Variants in MYO19 observed in about 807,000 individuals in gnomAD.
MYO19 encodes the protein myosin XIX, also known as unconventional myosin-XIX.
MYO19 carries 132 observed loss-of-function variants against 129.2 expected under a neutral mutation model. That is an observed-to-expected ratio of 1.02 (90% confidence interval 0.89 to 1.18). The LOEUF is 1.18. Ranked by LOEUF, MYO19 falls within the 50% of genes most tolerant of loss-of-function variation. The probability of loss-of-function intolerance (pLI) is 0.00; values close to 1 mark genes in which losing one functional copy is unlikely to be tolerated. For synonymous variants in MYO19, 531 were observed against 477.2 expected (o/e 1.11, Z -1.47); for missense variants, 1,210 against 1,216.7 (o/e 0.99, Z 0.08).
upstream of MYO19, chr17:36,537,399 A>G: frequency 6.2e-7 from 1 of 1,614,070 alleles, no homozygotes; most frequent in Non-Finnish European, 8.5e-7. Flanking sequence ...AATATACCGA[A>G]GGAGGACCTG....
chr17:36,498,239 C>T lies in MYO19; in HGVS notation c.2757+27G>A, dbSNP rs568029123. ...GCTCCTGCTGTTCTCAGGAACAAAG[C>T]TGTCATGGCCATCACACACAACGTA... is the stretch of plus-strand genomic sequence containing the variant. On this transcript the variant is annotated intron_variant, in intron 25 of 25. Transcript: ENST00000614623. The T allele has an allele frequency of 3.2e-5, 51 of 1,592,380 alleles. No homozygotes were observed. In the African/African-American group the frequency reaches 5.6e-4, roughly 18 times the overall value.
chr17:36,525,373 G>A, intron 5 of MYO19, 32 bp from the exon 6 acceptor site: 1 of 1,461,508 alleles, frequency 6.8e-7, no homozygotes, highest in African/African-American at 1.4e-5. Context: ...GGTCATGTGA[G>A]GGAATGCCTG....
chr17:36,507,427 G>T lies in MYO19; in HGVS notation c.1439C>A (p.Pro480His), dbSNP rs774782262. ...ATTTATGAGGGAGCAGATGCTGATGGGGCTTCCCTCAATGAGATCCAAACA... is the reference window on the plus strand; with the variant it reads ...ATTTATGAGGGAGCAGATGCTGATGTGGCTTCCCTCAATGAGATCCAAACA... ...QPCLDLIEGS[P>H]ISICSLINEE... is the part of the protein sequence containing the mutation. The change falls in exon 16 of 26, where the codon CCC (proline) becomes CAC (histidine). Residue 480 changes from proline to histidine, a missense_variant. Pro to His is a moderately conservative substitution (Grantham distance 77). Coordinates refer to ENST00000614623, the MANE Select transcript of MYO19 (RefSeq NM_001163735.2). The T allele has an allele frequency of 5.0e-6, 8 of 1,613,484 alleles. No individual in the cohort carries two copies. The Admixed American group carries it at 1.2e-4, about 24-fold the overall frequency.
rs372354654 is a variant in MYO19 at position 36,527,633 on chromosome 17, A to G, written c.218T>C (p.Val73Ala). 1.9e-6 allele frequency: 3 copies of G among 1,613,984 alleles called. No individual in the cohort carries two copies. Among genetic ancestry groups the G allele is most frequent in the Non-Finnish European group, 2.5e-6 (3 of 1,179,872 alleles). The change falls in exon 5 of 26, where the codon GTA (valine) becomes GCA (alanine). Residue 73 changes from valine to alanine, a missense_variant. Coordinates refer to ENST00000614623, the MANE Select transcript of MYO19 (RefSeq NM_001163735.2). Reference sequence around the variant, plus strand: ...AACAGGCTTGAAGGGGTTCAAGGCTACCAGGGTGCAGCCAGCATTGGTGTA... The same window carrying G: ...AACAGGCTTGAAGGGGTTCAAGGCTGCCAGGGTGCAGCCAGCATTGGTGTA... ...TFYTNAGCTL[V>A]ALNPFKPVPQ...
At chr17:36,514,218 G>C (rs2072574832) in intron 9 of MYO19, among the ~76,000 whole-genome samples, 1 of 152,164 alleles carries the variant, frequency 6.6e-6, no homozygotes, top group Non-Finnish European at 1.5e-5. Flanking sequence ...AGGACCTTCT[G>C]GTCTGATGGA....
intron 6 of MYO19, among the ~76,000 whole-genome samples, chr17:36,523,182 CAAAAA>C (rs34403651): frequency 8.7e-5 from 9 of 103,438 alleles, no homozygotes; most frequent in Non-Finnish European, 1.8e-4. Context: ...AACCCTGTCT[CAAAAA>C]AAAAAAAAAA....
intron 6 of MYO19, among the ~76,000 whole-genome samples, chr17:36,518,562 G>GTA (rs1223115260): frequency 9.6e-6 from 1 of 103,956 alleles, no homozygotes; most frequent in African/African-American, 3.8e-5. Context: ...ATGTGTATGT[G>GTA]TATATATATG....
chr17:36,510,751 A>G lies in MYO19; in HGVS notation c.1152T>C (p.Tyr384=). The part of the protein sequence containing the change: ...TRRDCLAKLI[Y]ARLFDWLVSV... ...GGGCCAGAGTAACTGCTCACCGCGC[A>G]TAGATCAGTTTGGCCAGGCAGTCTC... Residue 384 remains tyrosine, a synonymous_variant, in exon 13 of 26, where the codon TAT becomes TAC. Transcript: ENST00000614623. The G allele has an allele frequency of 1.2e-6, 2 of 1,604,970 alleles. No individual in the cohort carries two copies. The highest frequency in any genetic ancestry group is 1.7e-6 in the Non-Finnish European group (2 of 1,174,954).
chr17:36,528,156 AGGTACTC>A lies in MYO19; in HGVS notation c.52_58del (p.Glu18SerfsTer24). On this transcript the variant is annotated frameshift_variant, in exon 4 of 26. Coordinates refer to ENST00000614623, the MANE Select transcript of MYO19 (RefSeq NM_001163735.2). LOFTEE classifies it high-confidence loss of function. ...CAGGAACTCCTGCAGGTCTTCTCTG[AGGTACTC>A]CCTGGCTTGGCCATCAGACCCCGGA... is the stretch of plus-strand genomic sequence containing the variant. 6.2e-7 allele frequency: 1 copy of A among 1,610,024 alleles called. No individual in the cohort carries two copies. The highest frequency in any genetic ancestry group is 8.5e-7 in the Non-Finnish European group (1 of 1,178,130).
chr17:36,502,897 C>A, intron 21 of MYO19, 200 bp downstream of exon 21: 1 of 604,066 alleles, frequency 1.7e-6, no homozygotes, highest in South Asian at 2.0e-5. Flanking sequence ...CTAGCACCAC[C>A]CACAGCATCC....
At chr17:36,520,126 C>A (rs1488654079) in intron 6 of MYO19, among the ~76,000 whole-genome samples, 1 of 152,020 alleles carries the variant, frequency 6.6e-6, no homozygotes, top group East Asian at 1.9e-4. Flanking sequence ...AGGCACCTAC[C>A]ACCATGCCCT....
chr17:36,524,390 C>G (rs1440131398), intron 6 of MYO19, among the ~76,000 whole-genome samples: 1 of 152,182 alleles, frequency 6.6e-6, no homozygotes, highest in African/African-American at 2.4e-5. Flanking sequence ...TGAGTGAAGG[C>G]AGAAGGAGTT....
At chr17:36,498,868 C>T in intron 24 of MYO19, 1 of 594,336 alleles carries the variant, frequency 1.7e-6, no homozygotes, top group South Asian at 2.0e-5. Flanking sequence ...CCCAGAGTTG[C>T]TTATACCACT....
Position 36,501,477 on chromosome 17 carries a change from G to A in MYO19, c.2081-242C>T, listed in dbSNP as rs566749636. Reference sequence around the variant, plus strand: ...CACTTGCGCCTGTGTGTCCTGGGGTGTCCCACAGCCTCTACTGCCATGAGT... The same window carrying A: ...CACTTGCGCCTGTGTGTCCTGGGGTATCCCACAGCCTCTACTGCCATGAGT... On this transcript the variant is annotated intron_variant, in intron 21 of 25. Coordinates refer to ENST00000614623, the MANE Select transcript of MYO19 (RefSeq NM_001163735.2). 1,954 of 424,952 alleles carry A rather than the reference G, an allele frequency of 4.6e-3. 17 individuals are homozygous for A. The highest frequency in any genetic ancestry group is 5.8e-3 in the Non-Finnish European group (1,386 of 239,492). 26.3% of individuals were successfully genotyped at this position (424,952 alleles called of 1,614,324 possible). A position where few individuals can be genotyped will look rare whatever the true frequency, so the allele number is the denominator to read the frequency against.
At chr17:36,503,854 A>G (rs2071697832) in intron 20 of MYO19, 96 bp downstream of exon 20, 1 of 1,026,326 alleles carries the variant, frequency 9.7e-7, no homozygotes. Flanking sequence ...CTTCATTTCC[A>G]CATCTCACTC....
chr17:36,541,811 T>C (rs2074199261), intron 2 of MYO19, among the ~76,000 whole-genome samples: 1 of 152,224 alleles, frequency 6.6e-6, no homozygotes, highest in African/African-American at 2.4e-5. Context: ...GTACATAGGA[T>C]AATTCTCAAG....
chr17:36,496,142 A>T lies in MYO19; in HGVS notation c.*109T>A, dbSNP rs2070945241. On this transcript the variant is annotated 3_prime_UTR_variant, in exon 26 of 26. Transcript: ENST00000614623. ...AAGGCTGGAGCCGTCACTGTTGTTC[A>T]TGTGCATTTGGAGCACTGTGGGAAT... is the stretch of plus-strand genomic sequence containing the variant. 3 of 1,421,962 alleles carry T rather than the reference A, an allele frequency of 2.1e-6. No homozygotes were observed. Among genetic ancestry groups the T allele is most frequent in the African/African-American group, 2.8e-5 (2 of 71,272 alleles). 88.1% of individuals were successfully genotyped at this position (1,421,962 alleles called of 1,614,324 possible). A position where few individuals can be genotyped will look rare whatever the true frequency, so the allele number is the denominator to read the frequency against.
chr17:36,527,975 C>T (rs1025920132), intron 4 of MYO19, 89 bp downstream of exon 4: 4 of 1,524,926 alleles, frequency 2.6e-6, no homozygotes, highest in Non-Finnish European at 3.6e-6. Context: ...CTGCCGACCT[C>T]CGTCTGACCT....
Position 36,503,141 on chromosome 17 carries a change from G to A in MYO19, c.2036C>T (p.Thr679Ile). ...ATATGGGCTGTCGGGGCCAGAGGAT[G>A]TGCAAGGATGAAGCCTTCTTAGTAA... ...YKLLRRLHPC[T>I]SSGPDSPYPA... The change falls in exon 21 of 26, where the codon ACA becomes ATA. Residue 679 changes from threonine to isoleucine, a missense_variant. Transcript: ENST00000614623. 1.9e-6 allele frequency: 3 copies of A among 1,614,058 alleles called. No homozygotes were observed. The highest frequency in any genetic ancestry group is 2.5e-6 in the Non-Finnish European group (3 of 1,179,902).
Sources: allele counts gnomAD v4.1 joint callset (sites outside exome capture counted in the v4.1 genomes callset), GRCh38; gene constraint gnomAD v4.1.1; transcripts MANE v1.5; gene names NCBI Gene and HGNC (gene_info 2026-07-23, HGNC 2026-07-21).